MAML1: variants seen among roughly 807,000 people sequenced by gnomAD.
The protein encoded by MAML1 is mastermind like transcriptional coactivator 1.
Under a neutral mutation model 77.1 loss-of-function variants are expected in MAML1, and 14 were observed. The observed-to-expected ratio is 0.18, with a 90% CI of 0.12 to 0.28. The LOEUF is 0.28. Ranked by LOEUF, MAML1 falls within the 10% of genes least tolerant of loss-of-function variation. The pLI, the probability that MAML1 is intolerant of heterozygous loss-of-function variation, is 1.00. For missense variants in MAML1, 1,217 were observed against 1,327.8 expected (o/e 0.92, Z 1.30); for synonymous variants, 516 against 551.9 (o/e 0.93, Z 0.91).
Position 179,766,400 on chromosome 5 carries a change from C to G in MAML1, c.1390C>G (p.Leu464Val). The G allele has an allele frequency of 6.2e-7, 1 of 1,612,146 alleles. No individual in the cohort carries two copies. The highest frequency in any genetic ancestry group is 8.5e-7 in the Non-Finnish European group (1 of 1,178,904). The change falls in exon 2 of 5, where the codon CTG becomes GTG. Residue 464 changes from leucine to valine, a missense_variant. Physicochemically the swap from Leu to Val is conservative, Grantham distance 32. Around this residue, in one of 3 missense-constraint regions of MAML1, gnomAD observed 884 missense variants for 949.3 expected, o/e 0.93. Transcript: ENST00000292599. This position sits in a 1 kb window ranked among gnomAD's most constrained non-coding sequence, Gnocchi z 4.0. ...SYKQDFTNSK[L>V]LMMPSVNKSS... The stretch of plus-strand genomic sequence containing the variant: ...CAAGCAAGACTTCACTAACTCCAAA[C>G]TGCTCATGATGCCTAGTGTGAATAA...
chr5:179,775,823 T>C lies in MAML1; in HGVS notation c.*946T>C. On this transcript the variant is annotated 3_prime_UTR_variant, in exon 5 of 5. Transcript: ENST00000292599. ...GTTGGCCTTTCTGTCTGCCTCTCCT[T>C]CCTCTCTGCAGCCCAAATGGAAAAC... The C allele has an allele frequency of 1.0e-6, 1 of 985,486 alleles. No homozygotes were observed. The highest frequency in any genetic ancestry group is 1.2e-6 in the Non-Finnish European group (1 of 829,958). 61.0% of individuals were successfully genotyped at this position (985,486 alleles called of 1,614,324 possible).
chr5:179,772,484 T>C (rs542745614), intron 4 of MAML1, among the ~76,000 whole-genome samples: 1 of 152,304 alleles, frequency 6.6e-6, no homozygotes, highest in African/African-American at 2.4e-5. Context: ...GGCCAATCCC[T>C]GAACAATGAC....
intron 1 of MAML1, among the ~76,000 whole-genome samples, chr5:179,742,672 C>A (rs922875267): frequency 6.6e-6 from 1 of 151,702 alleles, no homozygotes; most frequent in South Asian, 2.1e-4. Flanking sequence ...CTGGGCGTGA[C>A]GGCACACACC....
At position 179,750,894 on chromosome 5, in the gene MAML1, A is replaced by T. The variant is rs542307909; in HGVS notation, c.316-14432A>T. On this transcript the variant is annotated intron_variant, in intron 1 of 4. Coordinates refer to ENST00000292599, the MANE Select transcript of MAML1 (RefSeq NM_014757.5). The stretch of plus-strand genomic sequence containing the variant: ...GCCTGCTGTATGGAGCCCTTTGTGC[A>T]GTAAGGAGCTGCTGCTGGGCCCAGG... Among the ~76,000 whole-genome samples, 12 of 152,346 alleles carry T rather than the reference A, an allele frequency of 7.9e-5. 1 individual carries two copies. In the South Asian group the frequency reaches 2.5e-3, roughly 32 times the overall value.
chr5:179,771,323 T>A lies in MAML1; in HGVS notation c.2068+80T>A, dbSNP rs1554152249. On this transcript the variant is annotated intron_variant, in intron 4 of 4. Transcript: ENST00000292599. The surrounding 1 kb of genome is among the most constrained non-coding windows in gnomAD (Gnocchi z 4.7). ...GTTGAATCCCTGCTGTCTGCCCAGC[T>A]CTATGCCTTGACTTCATCAGGCTGC... The A allele has an allele frequency of 3.2e-6, 4 of 1,249,572 alleles. No individual in the cohort carries two copies. The highest frequency in any genetic ancestry group is 4.7e-6 in the Non-Finnish European group (4 of 853,178). The allele number at this position is 1,249,572 out of a possible 1,614,324, so 77.4% of individuals were successfully genotyped here.
chr5:179,774,863 T>A lies in MAML1; in HGVS notation c.3037T>A (p.Leu1013Ile). 2.5e-6 allele frequency: 4 copies of A among 1,607,422 alleles called. No individual in the cohort carries two copies. Among genetic ancestry groups the A allele is most frequent in the Non-Finnish European group, 3.4e-6 (4 of 1,175,458 alleles). Residue 1013 changes from leucine to isoleucine, a missense_variant, in exon 5 of 5, where the codon TTA becomes ATA. Physicochemically the swap from Leu to Ile is conservative, Grantham distance 5 (BLOSUM62 2). Transcript: ENST00000292599. Reference sequence around the variant, plus strand: ...GTGGATGAGTGATTTGGACGACCTGTTAGGGTCTCAGTAATGGAAGGATTT... The same window carrying A: ...GTGGATGAGTGATTTGGACGACCTGATAGGGTCTCAGTAATGGAAGGATTT... ...EEWMSDLDDL[L>I]GSQ
At position 179,765,575 on chromosome 5, in the gene MAML1, A is replaced by G; in HGVS notation, c.565A>G (p.Lys189Glu). ...TCTGGGGCTAGACTCTCTCAACAAA[A>G]AGCGTCTGGCTGACTCCAGCCTTCA... ...HSLGLDSLNK[K>E]RLADSSLHLN... Residue 189 changes from lysine to glutamate, a missense_variant, in exon 2 of 5, where the codon AAG becomes GAG. Physicochemically the swap from Lys to Glu is moderately conservative, Grantham distance 56. Coordinates refer to ENST00000292599, the MANE Select transcript of MAML1 (RefSeq NM_014757.5). 1 of 1,614,162 alleles carries G rather than the reference A, an allele frequency of 6.2e-7. No individual in the cohort carries two copies. The highest frequency in any genetic ancestry group is 8.5e-7 in the Non-Finnish European group (1 of 1,180,018).
chr5:179,736,982 GGT>G (rs942941553), intron 1 of MAML1, among the ~76,000 whole-genome samples: 3 of 150,978 alleles, frequency 2.0e-5, no homozygotes, highest in African/African-American at 7.3e-5. Context: ...AAAAAAAAAA[GGT>G]ATATTAGTAA....
At chr5:179,736,169 C>A (rs1462131024) in intron 1 of MAML1, among the ~76,000 whole-genome samples, 2 of 152,194 alleles carry the variant, frequency 1.3e-5, no homozygotes, top group Non-Finnish European at 2.9e-5. Context: ...GTAATCTCTC[C>A]TCCTATACAC....
Position 179,766,743 on chromosome 5 carries a change from T to TA in MAML1, c.1731+4dup. 1.9e-6 allele frequency: 3 copies of TA among 1,539,112 alleles called. No homozygotes were observed. The highest frequency in any genetic ancestry group is 2.6e-6 in the Non-Finnish European group (3 of 1,140,934). ...CGATCACTGGTTCCACCTGGCCAGG[T>TA]AAGTATGAGCCTTTGCTTTCTGTTC... On this transcript the variant is annotated splice_region_variant and intron_variant, in intron 2 of 4. Transcript: ENST00000292599. This position sits in a 1 kb window ranked among gnomAD's most constrained non-coding sequence, Gnocchi z 4.0.
rs978182511 is a variant in MAML1 at position 179,777,242 on chromosome 5, G to T, written c.*2365G>T. 7.3e-6 allele frequency: 7 copies of T among 964,524 alleles called. No homozygotes were observed. Among genetic ancestry groups the T allele is most frequent in the Non-Finnish European group, 8.6e-6 (7 of 811,000 alleles). 59.7% of individuals were successfully genotyped at this position (964,524 alleles called of 1,614,324 possible). A position where few individuals can be genotyped will look rare whatever the true frequency, so the allele number is the denominator to read the frequency against. On this transcript the variant is annotated 3_prime_UTR_variant, in exon 5 of 5. Coordinates refer to ENST00000292599, the MANE Select transcript of MAML1 (RefSeq NM_014757.5). ...CCAAAAAGAAATCTTTACTTTCCTT[G>T]TTTTATCATTATAAAAATAAAGTAT...
At chr5:179,743,029 C>G (rs1179967301) in intron 1 of MAML1, among the ~76,000 whole-genome samples, 1 of 147,120 alleles carries the variant, frequency 6.8e-6, no homozygotes, top group African/African-American at 2.5e-5. Context: ...TGTTGAAATA[C>G]TGTGAACCCC....
rs1755981552 is a variant in MAML1, at chr5:179,771,250, G to T, written c.2068+7G>T. 5 of 1,613,426 alleles carry T rather than the reference G, an allele frequency of 3.1e-6. No homozygotes were observed. The highest frequency in any genetic ancestry group is 4.2e-6 in the Non-Finnish European group (5 of 1,179,468). On this transcript the variant is annotated splice_region_variant and intron_variant, in intron 4 of 4. Transcript: ENST00000292599. The surrounding 1 kb of genome is among the most constrained non-coding windows in gnomAD (Gnocchi z 4.7). ...CAGGTTGGACAGTTCACAGGTAGGG[G>T]GTGTCTGTGTGACGAGCAGGGACAG...
In MAML1 at chr5:179,775,924, A is replaced by G. The variant is rs1756126708; in HGVS notation, c.*1047A>G. The G allele has an allele frequency of 4.1e-6, 4 of 985,608 alleles. No individual in the cohort carries two copies. Among genetic ancestry groups the G allele is most frequent in the Non-Finnish European group, 4.8e-6 (4 of 829,948 alleles). 61.1% of individuals were successfully genotyped at this position (985,608 alleles called of 1,614,324 possible). A position where few individuals can be genotyped will look rare whatever the true frequency, so the allele number is the denominator to read the frequency against. On this transcript the variant is annotated 3_prime_UTR_variant, in exon 5 of 5. Transcript: ENST00000292599. ...AACCTTAGCATAAAGGTTTTGGGGA[A>G]GGAGGCCGTAGGCCGGCCCGGAGGA...
At chr5:179,752,350 A>AATATATATATATATATATATATAT (rs1554150145) in intron 1 of MAML1, among the ~76,000 whole-genome samples, 44 of 66,672 alleles carry the variant, frequency 6.6e-4, no homozygotes, top group Non-Finnish European at 9.4e-4. Context: ...AAAAAAAAAA[A>AATATATATATATATATATATATAT]ATATATATAT....
At chr5:179,750,546 T>C (rs982689055) in intron 1 of MAML1, among the ~76,000 whole-genome samples, 1 of 152,102 alleles carries the variant, frequency 6.6e-6, no homozygotes, top group African/African-American at 2.4e-5. Context: ...CTGCAACTTC[T>C]GCTTCCCGGG....
rs147998084 is a variant in MAML1, at chr5:179,766,436, C to T, written c.1426C>T (p.Arg476Trp). 3.7e-6 allele frequency: 6 copies of T among 1,612,694 alleles called. No homozygotes were observed. The highest frequency in any genetic ancestry group is 2.5e-6 in the Non-Finnish European group (3 of 1,179,382). Reference protein sequence around the residue: ...MMPSVNKSSPRPGGPYLQPSH... With the variant: ...MMPSVNKSSPWPGGPYLQPSH... ...GCCTAGTGTGAATAAGAGTTCCCCT[C>T]GGCCCGGAGGCCCCTACCTCCAGCC... Residue 476 changes from arginine to tryptophan, a missense_variant, in exon 2 of 5, where the codon CGG becomes TGG. By Grantham distance (101) the Arg-to-Trp change is moderately radical. Around this residue, in one of 3 missense-constraint regions of MAML1, gnomAD observed 884 missense variants for 949.3 expected, o/e 0.93. Transcript: ENST00000292599. The surrounding 1 kb of genome is among the most constrained non-coding windows in gnomAD (Gnocchi z 4.0).
chr5:179,757,629 C>T (rs1278750900), intron 1 of MAML1, among the ~76,000 whole-genome samples: 2 of 152,070 alleles, frequency 1.3e-5, no homozygotes, highest in Non-Finnish European at 1.5e-5. Flanking sequence ...GATCATCTAA[C>T]CCAGCCATCT....
At chr5:179,750,260 C>T (rs982245197) in intron 1 of MAML1, among the ~76,000 whole-genome samples, 1 of 152,184 alleles carries the variant, frequency 6.6e-6, no homozygotes, top group Admixed American at 6.5e-5. Context: ...GCTTAGACTT[C>T]ACATGCTTAC....
Sources: gnomAD v4.1 joint callset for allele counts (sites outside exome capture counted in the v4.1 genomes callset) on GRCh38, gnomAD v4.1.1 for gene constraint, gnomAD v4.1.1 regional missense constraint, Gnocchi (gnomAD v3.1) non-coding constraint, MANE v1.5 for transcripts, NCBI Gene and HGNC (gene_info 2026-07-23, HGNC 2026-07-21) for gene names.